DMD: variants seen among roughly 807,000 people sequenced by gnomAD.
DMD encodes the protein mutant dystrophin.
A neutral mutation model predicts 330.1 loss-of-function variants in DMD; 63 were observed. That is an observed-to-expected ratio of 0.19 (90% CI 0.16 to 0.24). DMD has a LOEUF of 0.24. DMD is among the 10% of genes least tolerant of loss of function. The pLI is 1.00. For synonymous variants in DMD, 1,223 were observed against 959.8 expected (o/e 1.27, Z -5.07); for missense variants, 3,344 against 2,684.1 (o/e 1.25, Z -5.43).
chrX:32,811,790 G>A (rs926770266), intron 6 of DMD, among the ~76,000 whole-genome samples: 6 of 111,760 alleles, frequency 5.4e-5, no homozygotes, highest in Admixed American at 1.9e-4. Flanking sequence ...AATCTGAAGC[G>A]GTCAAGAAAG....
chrX:31,660,345 G>A (rs1481582953), intron 53 of DMD, among the ~76,000 whole-genome samples: 1 of 112,213 alleles, frequency 8.9e-6, no homozygotes, highest in Non-Finnish European at 1.9e-5. Context: ...TTCTGCCAAA[G>A]GCTTGCCTTT....
intron 1 of DMD, among the ~76,000 whole-genome samples, chrX:33,249,229 C>A (rs1014598392): frequency 8.0e-5 from 9 of 112,098 alleles, no homozygotes; most frequent in Non-Finnish European, 1.7e-4. Context: ...CGGCTCATTG[C>A]GACCTCCACC....
chrX:32,809,575 C>G lies in DMD; in HGVS notation c.567G>C (p.Gln189His), dbSNP rs1330849596. 8.3e-7 allele frequency: 1 copy of G among 1,208,626 alleles called. No individual in the cohort carries two copies. Among genetic ancestry groups the G allele is most frequent in the Non-Finnish European group, 1.1e-6 (1 of 894,806 alleles). Residue 189 changes from glutamine (Q) to histidine (H), a missense_variant, in exon 7 of 79, where the codon CAG becomes CAC. Coordinates refer to ENST00000357033, the MANE Select transcript of DMD (RefSeq NM_004006.3). ...DLFDWNSVVC[Q>H]QSATQRLEHA... is the part of the protein sequence containing the mutation. ...GTTCCAGTCGTTGTGTGGCTGACTG[C>G]TGGCAAACCACACTATTCCAGTCAA...
intron 7 of DMD, among the ~76,000 whole-genome samples, chrX:32,772,672 T>C (rs1196585862): frequency 1.8e-5 from 2 of 111,200 alleles, no homozygotes; most frequent in African/African-American, 6.5e-5. Context: ...TGATCATTTC[T>C]CCCTATGTAA....
chrX:31,992,746 T>A (rs2095559239), intron 44 of DMD, among the ~76,000 whole-genome samples: 1 of 111,174 alleles, frequency 9.0e-6, no homozygotes, highest in African/African-American at 3.3e-5. Context: ...GAGATGGATA[T>A]AAATGAAAAT....
intron 44 of DMD, among the ~76,000 whole-genome samples, chrX:32,008,889 A>G: frequency 9.0e-6 from 1 of 111,357 alleles, no homozygotes; most frequent in South Asian, 3.8e-4. Flanking sequence ...TAAGAGGGAA[A>G]GTTGAAAAGT....
chrX:31,557,687 A>G (rs1404770108), intron 55 of DMD, among the ~76,000 whole-genome samples: 3 of 112,071 alleles, frequency 2.7e-5, no homozygotes, highest in Non-Finnish European at 5.6e-5. Flanking sequence ...GTTTGCTCCA[A>G]TCTGCTTATT....
chrX:32,856,000 C>CA (rs1380636187), intron 2 of DMD, among the ~76,000 whole-genome samples: 3 of 111,429 alleles, frequency 2.7e-5, no homozygotes, highest in African/African-American at 9.8e-5. Context: ...GAAAGAAGGG[C>CA]AAAAATTTGA....
At chrX:31,922,188 CAA>C (rs1362523069) in intron 47 of DMD, among the ~76,000 whole-genome samples, 1 of 111,162 alleles carries the variant, frequency 9.0e-6, no homozygotes, top group African/African-American at 3.3e-5. Context: ...CCATAAAAAA[CAA>C]AGAGGACAGA....
intron 1 of DMD, among the ~76,000 whole-genome samples, chrX:33,165,660 G>A (rs924526324): frequency 9.0e-6 from 1 of 111,481 alleles, no homozygotes; most frequent in Non-Finnish European, 1.9e-5. Flanking sequence ...GACGACATAG[G>A]ATCACAATTC....
chrX:32,543,846 CT>C (rs2048717655), intron 17 of DMD, among the ~76,000 whole-genome samples: 1 of 111,363 alleles, frequency 9.0e-6, no homozygotes, highest in Non-Finnish European at 1.9e-5. Context: ...ATATTTTAGG[CT>C]TTGTGGACTA....
intron 41 of DMD, among the ~76,000 whole-genome samples, chrX:32,311,959 C>T (rs947840733): frequency 1.1e-4 from 12 of 111,461 alleles, no homozygotes; most frequent in Admixed American, 8.6e-4. Flanking sequence ...TTCTTATTCA[C>T]GTTAGTTGCT....
At chrX:33,331,619 T>C (rs2054178558) in intron 1 of DMD, among the ~76,000 whole-genome samples, 1 of 111,580 alleles carries the variant, frequency 9.0e-6, no homozygotes, top group African/African-American at 3.3e-5. Flanking sequence ...ATAATGTCAA[T>C]ATTTCTTCTG....
At chrX:32,962,728 T>G (rs1222229831) in intron 2 of DMD, among the ~76,000 whole-genome samples, 9 of 112,150 alleles carry the variant, frequency 8.0e-5, no homozygotes, top group African/African-American at 2.9e-4. Context: ...CTGATCTGGC[T>G]TAATAATATA....
intron 44 of DMD, among the ~76,000 whole-genome samples, chrX:32,166,507 T>C (rs2096868944): frequency 9.0e-6 from 1 of 111,723 alleles, no homozygotes; most frequent in African/African-American, 3.3e-5. Context: ...TGTCACTTTT[T>C]CCCTATCTTG....
rs1228749524 is a variant in DMD at position 32,362,892 on chromosome X, A to G, written c.5221T>C (p.Leu1741=). ...CAGTGGTCACCGCGGTTTGCCATCAAGTTTGCTGCTTGGTCACGTGTAGAG... is the reference window on the plus strand; with the variant it reads ...CAGTGGTCACCGCGGTTTGCCATCAGGTTTGCTGCTTGGTCACGTGTAGAG... ...VDSTRDQAAN[L]MANRGDHCRK... is the part of the protein sequence containing the mutation. Residue 1741 remains leucine, a synonymous_variant, in exon 37 of 79, where the codon TTG becomes CTG. Transcript: ENST00000357033. The G allele has an allele frequency of 1.7e-6, 2 of 1,208,859 alleles. No individual in the cohort carries two copies. The highest frequency in any genetic ancestry group is 3.5e-5 in the African/African-American group (2 of 56,861).
At chrX:33,079,240 G>A (rs1378694968) in intron 1 of DMD, among the ~76,000 whole-genome samples, 4 of 111,189 alleles carry the variant, frequency 3.6e-5, no homozygotes, top group East Asian at 2.8e-4. Flanking sequence ...TTGAACTCCC[G>A]ACCTCAGGTG....
chrX:32,073,125 T>C (rs1013924897), intron 44 of DMD, among the ~76,000 whole-genome samples: 2 of 111,936 alleles, frequency 1.8e-5, no homozygotes, highest in African/African-American at 6.5e-5. Context: ...ATGGGATGAA[T>C]TGGGATTTTT....
intron 18 of DMD, among the ~76,000 whole-genome samples, chrX:32,502,228 G>A (rs775288601): frequency 5.6e-4 from 62 of 110,876 alleles, no homozygotes; most frequent in African/African-American, 1.8e-3. Flanking sequence ...AAGTATATAG[G>A]CGGTATTAAA....
Sources: allele counts gnomAD v4.1 joint callset (sites outside exome capture counted in the v4.1 genomes callset), GRCh38; gene constraint gnomAD v4.1.1; transcripts MANE v1.5; gene names NCBI Gene and HGNC (gene_info 2026-07-23, HGNC 2026-07-21).